DNAH7: variants seen among roughly 807,000 people sequenced by gnomAD.
DNAH7 encodes the protein dynein axonemal heavy chain 7.
DNAH7 carries 397 observed loss-of-function variants against 444.6 expected under a neutral mutation model. The ratio of observed to expected loss-of-function variants is 0.89; its 90% CI spans 0.82 to 0.97. The LOEUF (loss-of-function observed/expected upper bound fraction) is 0.97. Among genes scored for constraint, DNAH7 ranks in the 50% least tolerant of loss-of-function variants. The pLI is 0.00. For missense variants in DNAH7, 4,902 were observed against 4,800.8 expected (o/e 1.02, Z -0.62); for synonymous variants, 1,636 against 1,624.4 (o/e 1.01, Z -0.17).
In DNAH7 at chr2:195,857,670, A is replaced by T. The variant is rs778573089; in HGVS notation, c.8121T>A (p.Val2707=). The T allele has an allele frequency of 6.8e-6, 11 of 1,613,224 alleles. No individual in the cohort carries two copies. In the South Asian group the frequency reaches 1.2e-4, roughly 18 times the overall value. The change falls in exon 44 of 65, where the codon GTT becomes GTA. Residue 2707 remains valine, a synonymous_variant. Coordinates refer to ENST00000312428, the MANE Select transcript of DNAH7 (RefSeq NM_018897.3). ...MKSPPAGVKL[V]MEAICILKGI... Reference sequence around the variant, plus strand: ...CTTTCAAGATGCATATAGCTTCCATAACAAGCTTGACACCAGCAGGAGGAC... The same window carrying T: ...CTTTCAAGATGCATATAGCTTCCATTACAAGCTTGACACCAGCAGGAGGAC...
At chr2:195,855,393 G>C (rs960531304) in intron 45 of DNAH7, among the ~76,000 whole-genome samples, 2 of 151,988 alleles carry the variant, frequency 1.3e-5, no homozygotes, top group Non-Finnish European at 2.9e-5. Flanking sequence ...TACAACCTAC[G>C]TCACTTAACA....
chr2:195,827,310 C>G (rs113417974), intron 48 of DNAH7, among the ~76,000 whole-genome samples: 1,767 of 152,226 alleles, frequency 0.012, 32 homozygotes, highest in African/African-American at 0.04. Flanking sequence ...GGGTCTCACT[C>G]TGTTGCCCAG....
chr2:195,778,659 T>TACACACACACACAC (rs1559089784), intron 58 of DNAH7, among the ~76,000 whole-genome samples: 1 of 95,636 alleles, frequency 1.0e-5, no homozygotes, highest in African/African-American at 4.6e-5. Flanking sequence ...TATATATATA[T>TACACACACACACAC]ATATATATAT....
At chr2:195,989,468 G>A (rs1398581048) in intron 12 of DNAH7, among the ~76,000 whole-genome samples, 3 of 151,926 alleles carry the variant, frequency 2.0e-5, no homozygotes, top group African/African-American at 7.3e-5. Flanking sequence ...TATACCTGTT[G>A]GCCATCTATT....
rs778993395 is a variant in DNAH7 at position 195,817,690 on chromosome 2, T to C, written c.9425+6A>G. 1 of 1,601,016 alleles carries C rather than the reference T, an allele frequency of 6.2e-7. No individual in the cohort carries two copies. The highest frequency in any genetic ancestry group is 8.5e-7 in the Non-Finnish European group (1 of 1,176,674). On this transcript the variant is annotated splice_donor_region_variant and intron_variant, in intron 50 of 64. Transcript: ENST00000312428. ...TAAGAATAGTTCTGTTTATGACATT[T>C]AAAACCTTTTATTTTCAGCTCCTTG...
chr2:195,982,348 C>A (rs1399386420), intron 15 of DNAH7, among the ~76,000 whole-genome samples: 1 of 152,052 alleles, frequency 6.6e-6, no homozygotes, highest in Non-Finnish European at 1.5e-5. Flanking sequence ...GCTGAGAATG[C>A]AGAGAAAAGG....
At chr2:196,051,274 A>G (rs988279252) in intron 2 of DNAH7, 25 bp from the exon 3 acceptor site, 12 of 1,599,944 alleles carry the variant, frequency 7.5e-6, no homozygotes, top group East Asian at 4.5e-5. Flanking sequence ...TGAAGGGGAA[A>G]AAAGTGTTTA....
intron 47 of DNAH7, among the ~76,000 whole-genome samples, chr2:195,835,957 T>C (rs1349662841): frequency 6.6e-6 from 1 of 152,234 alleles, no homozygotes; most frequent in East Asian, 1.9e-4. Context: ...CATAACAGTA[T>C]ACCACTGACT....
Position 196,006,045 on chromosome 2 carries a change from G to A in DNAH7, c.990-4187C>T, listed in dbSNP as rs944142340. 3.3e-5 allele frequency among the ~76,000 whole-genome samples: 5 copies of A among 152,208 alleles called. No homozygotes were observed. The East Asian group carries it at 9.7e-4, about 29-fold the overall frequency. On this transcript the variant is annotated intron_variant, in intron 10 of 64. Coordinates refer to ENST00000312428, the MANE Select transcript of DNAH7 (RefSeq NM_018897.3). ...AAAGTATTATATGATCATATGTGAT[G>A]GCTCATGCCTGTAATCCCAACACTT...
Position 196,026,842 on chromosome 2 carries a change from A to G in DNAH7, c.585T>C (p.His195=). 1 of 1,612,462 alleles carries G rather than the reference A, an allele frequency of 6.2e-7. No individual in the cohort carries two copies. Among genetic ancestry groups the G allele is most frequent in the Non-Finnish European group, 8.5e-7 (1 of 1,178,832 alleles). ...CTATGCTGTCAGTGAAGACTTTCAG[A>G]TGTTGTGGAACTAAATCCAGTACGT... The part of the protein sequence containing the change: ...LEHVLDLVPQ[H]LKVFTDSIVT... The change falls in exon 7 of 65, where the codon CAT becomes CAC. Residue 195 remains histidine, a synonymous_variant. Transcript: ENST00000312428.
chr2:195,957,475 C>T (rs1164875045), intron 18 of DNAH7, 28 bp from the exon 19 acceptor site: 6 of 1,467,424 alleles, frequency 4.1e-6, no homozygotes, highest in African/African-American at 2.8e-5. Flanking sequence ...GTGGCTCTTA[C>T]TGACAGCAAA....
chr2:195,772,243 C>T (rs559048099), intron 60 of DNAH7, among the ~76,000 whole-genome samples: 5 of 152,120 alleles, frequency 3.3e-5, no homozygotes, highest in Admixed American at 1.3e-4. Context: ...CAAGCGATGG[C>T]GGGCATTAAA....
chr2:195,817,546 C>A (rs1318559532), intron 50 of DNAH7, 150 bp downstream of exon 50: 1 of 807,352 alleles, frequency 1.2e-6, no homozygotes, highest in Admixed American at 3.6e-5. Context: ...TCTAAATTGA[C>A]ATAGAGGTAT....
chr2:195,748,805 C>G (rs1322922070), intron 63 of DNAH7, among the ~76,000 whole-genome samples: 6 of 152,150 alleles, frequency 3.9e-5, no homozygotes, highest in Non-Finnish European at 8.8e-5. Flanking sequence ...GAAACTGGAT[C>G]CCTTCCTTAC....
intron 1 of DNAH7, among the ~76,000 whole-genome samples, chr2:196,063,056 A>G (rs1371386712): frequency 6.6e-6 from 1 of 151,926 alleles, no homozygotes; most frequent in African/African-American, 2.4e-5. Context: ...TAATTTTTGT[A>G]TTTTGAGTAC....
intron 8 of DNAH7, among the ~76,000 whole-genome samples, chr2:196,022,204 C>T (rs182101652): frequency 6.6e-6 from 1 of 152,228 alleles, no homozygotes; most frequent in Admixed American, 6.5e-5. Flanking sequence ...GGGCCTTTTG[C>T]GAGTCATAAT....
rs374267729 is a variant in DNAH7, at chr2:195,900,357, C to A, written c.4473G>T (p.Gln1491His). Residue 1491 changes from glutamine to histidine, a missense_variant, in exon 28 of 65, where the codon CAG (glutamine) becomes CAT (histidine). Gln to His is a conservative substitution (Grantham distance 24). Coordinates refer to ENST00000312428, the MANE Select transcript of DNAH7 (RefSeq NM_018897.3). ...AGTCGTAGTGATGTTGAGATGACAGCTGCTCTGAACACAAGCGATACGTAG... is the reference window on the plus strand; with the variant it reads ...AGTCGTAGTGATGTTGAGATGACAGATGCTCTGAACACAAGCGATACGTAG... ...IVATYRLCSE[Q>H]LSSQHHYDYG... 1.5e-5 allele frequency: 24 copies of A among 1,613,918 alleles called. No individual in the cohort carries two copies. Among genetic ancestry groups the A allele is most frequent in the Non-Finnish European group, 1.8e-5 (21 of 1,179,962 alleles).
intron 12 of DNAH7, among the ~76,000 whole-genome samples, chr2:195,996,674 C>T (rs1693716879): frequency 6.6e-6 from 1 of 152,136 alleles, no homozygotes; most frequent in African/African-American, 2.4e-5. Context: ...TATCCACCCG[C>T]CTCGCCCTCC....
At chr2:195,750,226 A>G (rs975067397) in intron 63 of DNAH7, among the ~76,000 whole-genome samples, 8 of 152,148 alleles carry the variant, frequency 5.3e-5, no homozygotes, top group African/African-American at 1.9e-4. Flanking sequence ...CTGTGGATTA[A>G]ATTAGTAAAT....
Sources: allele counts gnomAD v4.1 joint callset (sites outside exome capture counted in the v4.1 genomes callset), GRCh38; gene constraint gnomAD v4.1.1; transcripts MANE v1.5; gene names NCBI Gene and HGNC (gene_info 2026-07-23, HGNC 2026-07-21).